PREP: variants seen among roughly 807,000 people sequenced by gnomAD.
The protein encoded by PREP is prolyl endopeptidase, also known as dJ355L5.1 (prolyl endopeptidase).
Under a neutral mutation model 87.6 loss-of-function variants are expected in PREP, and 29 were observed. The ratio of observed to expected loss-of-function variants is 0.33; its 90% confidence interval spans 0.25 to 0.45. PREP has a LOEUF of 0.45. Among genes scored for constraint, PREP ranks in the 20% least tolerant of loss-of-function variants. The probability of loss-of-function intolerance (pLI) is 1.00; values close to 1 mark genes in which losing one functional copy is unlikely to be tolerated. For missense variants in PREP, 695 were observed against 886.5 expected (o/e 0.78, Z 2.74); for synonymous variants, 337 against 328.6 (o/e 1.03, Z -0.28).
At chr6:105,359,221 T>G (rs915837999) in intron 6 of PREP, among the ~76,000 whole-genome samples, 5 of 152,052 alleles carry the variant, frequency 3.3e-5, no homozygotes, top group Admixed American at 3.3e-4. Flanking sequence ...CTTCAAGAAC[T>G]CATGCTCAGG....
intron 4 of PREP, 99 bp from the exon 5 acceptor site, chr6:105,373,677 A>C: frequency 1.7e-6 from 2 of 1,175,354 alleles, no homozygotes; most frequent in Non-Finnish European, 2.4e-6. Context: ...ACACGGAGGT[A>C]GAATGTGGCA....
At chr6:105,290,981 A>G (rs1367632872) in intron 10 of PREP, among the ~76,000 whole-genome samples, 1 of 152,248 alleles carries the variant, frequency 6.6e-6, no homozygotes, top group Non-Finnish European at 1.5e-5. Context: ...GGTTCCAGAC[A>G]ACCACAATAA....
intron 6 of PREP, among the ~76,000 whole-genome samples, chr6:105,365,945 T>C (rs556585634): frequency 5.9e-5 from 9 of 152,128 alleles, no homozygotes; most frequent in African/African-American, 9.7e-5. Flanking sequence ...CCTTTATTTA[T>C]TGCTATTCTT....
At chr6:105,312,134 T>C (rs73770148) in intron 10 of PREP, among the ~76,000 whole-genome samples, 2,636 of 152,344 alleles carry the variant, frequency 0.017, 69 homozygotes, top group African/African-American at 0.061. Flanking sequence ...GATTTTTTAC[T>C]TGCAGGCTAA....
chr6:105,301,773 C>A (rs1770542315), intron 10 of PREP, among the ~76,000 whole-genome samples: 1 of 152,208 alleles, frequency 6.6e-6, no homozygotes, highest in Non-Finnish European at 1.5e-5. Context: ...TAGTACATTT[C>A]TTGAGCACCA....
chr6:105,336,075 T>C (rs939168232), intron 7 of PREP, among the ~76,000 whole-genome samples: 1 of 152,122 alleles, frequency 6.6e-6, no homozygotes, highest in Non-Finnish European at 1.5e-5. Flanking sequence ...TTGGCCAACA[T>C]GGCGAAACCC....
chr6:105,297,186 C>T (rs930105047), intron 10 of PREP, among the ~76,000 whole-genome samples: 2 of 152,198 alleles, frequency 1.3e-5, no homozygotes, highest in Admixed American at 1.3e-4. Context: ...CCCCTACACC[C>T]AGGCACCCAT....
In PREP at chr6:105,274,641, G is replaced by A. The variant is rs191823451; in HGVS notation, c.*3503C>T. Among the ~76,000 whole-genome samples the A allele has an allele frequency of 2.3e-3, 356 of 152,232 alleles. No homozygotes were observed. Among genetic ancestry groups the A allele is most frequent in the Non-Finnish European group, 4.2e-3 (286 of 68,022 alleles). ...AGATTAGCCGGGAATGATGGTATGC[G>A]CCTGTAATACCAGCTACTGGGAAGG... On this transcript the variant is annotated 3_prime_UTR_variant, in exon 15 of 15. Transcript: ENST00000652536.
At chr6:105,319,749 C>A (rs554277285) in intron 10 of PREP, among the ~76,000 whole-genome samples, 1 of 152,208 alleles carries the variant, frequency 6.6e-6, no homozygotes, top group South Asian at 2.1e-4. Context: ...ACTTCCATCC[C>A]TCCTGTGAAG....
intron 7 of PREP, among the ~76,000 whole-genome samples, chr6:105,339,836 GA>G (rs1466067336): frequency 6.6e-6 from 1 of 152,072 alleles, no homozygotes; most frequent in African/African-American, 2.4e-5. Context: ...AAAGTTCAGA[GA>G]AAAAACAGTA....
At chr6:105,377,019 A>T (rs1772703077) in intron 3 of PREP, among the ~76,000 whole-genome samples, 1 of 152,220 alleles carries the variant, frequency 6.6e-6, no homozygotes, top group Admixed American at 6.5e-5. Flanking sequence ...CTTTGACAGA[A>T]GAAAAACACA....
chr6:105,284,301 T>G (rs1402965848), intron 12 of PREP, among the ~76,000 whole-genome samples: 1 of 152,170 alleles, frequency 6.6e-6, no homozygotes. Context: ...AGGAGTCTGC[T>G]GTCAGCCCCT....
At chr6:105,305,536 G>C (rs1340701998) in intron 10 of PREP, among the ~76,000 whole-genome samples, 1 of 152,182 alleles carries the variant, frequency 6.6e-6, no homozygotes, top group Non-Finnish European at 1.5e-5. Context: ...ACTCACTAGT[G>C]GGGTGGGGAA....
intron 1 of PREP, among the ~76,000 whole-genome samples, chr6:105,399,996 G>A (rs908821886): frequency 6.6e-5 from 10 of 152,126 alleles, no homozygotes; most frequent in African/African-American, 1.7e-4. Flanking sequence ...TGCCCAGACC[G>A]GGCACCATCA....
rs985134672 is a variant in PREP at position 105,336,789 on chromosome 6, T to C, written c.824-3284A>G. 2.6e-5 allele frequency among the ~76,000 whole-genome samples: 4 copies of C among 152,132 alleles called. No homozygotes were observed. In the East Asian group the frequency reaches 7.7e-4, roughly 29 times the overall value. Reference sequence around the variant, plus strand: ...TGTAGTTTATCATTTTTGGAAAGAGTCTGCTCTTTCTGTGCCTATAAACTT... The same window carrying C: ...TGTAGTTTATCATTTTTGGAAAGAGCCTGCTCTTTCTGTGCCTATAAACTT... On this transcript the variant is annotated intron_variant, in intron 7 of 14. Coordinates refer to ENST00000652536, the MANE Select transcript of PREP (RefSeq NM_002726.5).
Position 105,278,995 on chromosome 6 carries a change from C to T in PREP, c.1839-557G>A, listed in dbSNP as rs1388744936. The T allele has an allele frequency of 1.3e-5, 2 of 152,156 alleles. No homozygotes were observed. The highest frequency in any genetic ancestry group is 2.9e-5 in the Non-Finnish European group (2 of 68,094). 9.4% of individuals were successfully genotyped at this position (152,156 alleles called of 1,614,324 possible). A position where few individuals can be genotyped will look rare whatever the true frequency, so the allele number is the denominator to read the frequency against. ...GAAACCTGGATGGGCTGTTGAGCCT[C>T]CTGCTGGCTCTCAGTCCGGCAGAAA... On this transcript the variant is annotated intron_variant, in intron 14 of 14. Coordinates refer to ENST00000652536, the MANE Select transcript of PREP (RefSeq NM_002726.5). The surrounding 1 kb of genome is among the most constrained non-coding windows in gnomAD (Gnocchi z 4.2).
intron 6 of PREP, among the ~76,000 whole-genome samples, chr6:105,367,019 G>A (rs1772403530): frequency 6.6e-6 from 1 of 152,120 alleles, no homozygotes; most frequent in Admixed American, 6.5e-5. Context: ...GAGGATTGAT[G>A]ATAACGGTTG....
intron 2 of PREP, among the ~76,000 whole-genome samples, chr6:105,378,512 T>C (rs1027593204): frequency 3.3e-5 from 5 of 151,974 alleles, no homozygotes; most frequent in Non-Finnish European, 7.4e-5. Flanking sequence ...CAGAAGAATA[T>C]CAGCAACATG....
At chr6:105,341,102 T>C (rs1019221263) in intron 7 of PREP, among the ~76,000 whole-genome samples, 1 of 151,378 alleles carries the variant, frequency 6.6e-6, no homozygotes, top group Non-Finnish European at 1.5e-5. Context: ...TCTCAGCACA[T>C]TGCACTTATT....
Sources: gnomAD v4.1 joint callset for allele counts (sites outside exome capture counted in the v4.1 genomes callset) on GRCh38, gnomAD v4.1.1 for gene constraint, Gnocchi (gnomAD v3.1) non-coding constraint, MANE v1.5 for transcripts, NCBI Gene and HGNC (gene_info 2026-07-23, HGNC 2026-07-21) for gene names.